Variants in ZDHHC14 observed in about 807,000 individuals in gnomAD.
ZDHHC14 encodes the protein zDHHC palmitoyltransferase 14.
ZDHHC14 carries 16 observed loss-of-function variants against 47.7 expected under a neutral mutation model. That is an observed-to-expected ratio of 0.34 (90% confidence interval 0.23 to 0.51). The LOEUF is 0.51. Among genes scored for constraint, ZDHHC14 ranks in the 20% least tolerant of loss-of-function variants. The probability of loss-of-function intolerance (pLI) is 0.97; values close to 1 mark genes in which losing one functional copy is unlikely to be tolerated. For synonymous variants in ZDHHC14, 293 were observed against 278.9 expected, an observed-to-expected ratio of 1.05 and a Z score of -0.50; for missense variants, 515 against 662.5, an observed-to-expected ratio of 0.78 and a Z score of 2.44.
At chr6:157,584,963 G>A (rs1293212863) in intron 2 of ZDHHC14, among the ~76,000 whole-genome samples, 1 of 152,172 alleles carries the variant, frequency 6.6e-6, no homozygotes, top group Non-Finnish European at 1.5e-5. Context: ...CCAGCACTAT[G>A]GGAGGCCGAG....
At chr6:157,475,170 T>A (rs1779451515) in intron 1 of ZDHHC14, among the ~76,000 whole-genome samples, 1 of 152,160 alleles carries the variant, frequency 6.6e-6, no homozygotes, top group African/African-American at 2.4e-5. Context: ...TTTAGGAAAC[T>A]TGTTGAAAAT....
At chr6:157,437,361 A>G (rs935639126) in intron 1 of ZDHHC14, among the ~76,000 whole-genome samples, 7 of 152,196 alleles carry the variant, frequency 4.6e-5, no homozygotes, top group Admixed American at 6.5e-5. Flanking sequence ...GATTCTCTTT[A>G]TAGTAGTGTC....
chr6:157,592,995 A>C lies in ZDHHC14; in HGVS notation c.414A>C (p.Ala138=). 6.2e-7 allele frequency: 1 copy of C among 1,611,098 alleles called. No individual in the cohort carries two copies. Among genetic ancestry groups the C allele is most frequent in the South Asian group, 1.1e-5 (1 of 90,732 alleles). ...AADLERQIDI[A]NGTSSGGYRP... The stretch of plus-strand genomic sequence containing the variant: ...CTCTTCTTTTCTCCACAGATATCGC[A>C]AACGGCACCAGTTCAGGGGGGTACC... The change falls in exon 3 of 9, where the codon GCA becomes GCC. Residue 138 remains alanine, a synonymous_variant. Transcript: ENST00000359775.
rs149078140 is a variant in ZDHHC14, at chr6:157,542,588, T to C, written c.249T>C (p.Cys83=). The change falls in exon 2 of 9, where the codon TGT becomes TGC. Residue 83 remains cysteine (C), a synonymous_variant. Coordinates refer to ENST00000359775, the MANE Select transcript of ZDHHC14 (RefSeq NM_024630.3). Reference sequence around the variant, plus strand: ...GGTCTGTCCAACCTGTCGGCAGCTGTCCGTACCTGGCGGTGAAAATCACCC... The same window carrying C: ...GGTCTGTCCAACCTGTCGGCAGCTGCCCGTACCTGGCGGTGAAAATCACCC... ...VTSGLFFAFD[C]PYLAVKITPA... is the part of the protein sequence containing the mutation. 5.4e-4 allele frequency: 866 copies of C among 1,614,114 alleles called. 1 individual carries two copies. Among genetic ancestry groups the C allele is most frequent in the Admixed American group, 7.0e-4 (42 of 60,020 alleles).
chr6:157,471,412 C>T (rs1260228792), intron 1 of ZDHHC14, among the ~76,000 whole-genome samples: 3 of 152,214 alleles, frequency 2.0e-5, no homozygotes, highest in Non-Finnish European at 2.9e-5. Context: ...CCGCCGACAC[C>T]AGACACACCT....
At chr6:157,491,660 A>G (rs944921704) in intron 1 of ZDHHC14, among the ~76,000 whole-genome samples, 2 of 152,266 alleles carry the variant, frequency 1.3e-5, no homozygotes, top group Non-Finnish European at 2.9e-5. Context: ...GGCTCAAATC[A>G]GCTGCTTTGG....
intron 7 of ZDHHC14, among the ~76,000 whole-genome samples, chr6:157,648,698 C>T (rs1273982888): frequency 6.6e-6 from 1 of 152,210 alleles, no homozygotes; most frequent in African/African-American, 2.4e-5. Flanking sequence ...GTCAGACATG[C>T]CTGGGCAGGT....
chr6:157,642,635 C>A (rs528698840), intron 5 of ZDHHC14, among the ~76,000 whole-genome samples: 1 of 152,318 alleles, frequency 6.6e-6, no homozygotes, highest in Admixed American at 6.5e-5. Context: ...TGAAACCCAT[C>A]CTCGATGCAG....
intron 2 of ZDHHC14, among the ~76,000 whole-genome samples, chr6:157,580,712 T>TGTG (rs1783484579): frequency 2.0e-5 from 3 of 148,684 alleles, no homozygotes; most frequent in African/African-American, 7.5e-5. Context: ...TTTTTGTGTT[T>TGTG]TGTGTGTGTG....
chr6:157,395,407 C>A (rs1450777660), intron 1 of ZDHHC14, among the ~76,000 whole-genome samples: 2 of 151,372 alleles, frequency 1.3e-5, no homozygotes, highest in East Asian at 3.9e-4. Context: ...CTCAAGTGAT[C>A]CTTCCACTTC....
intron 2 of ZDHHC14, among the ~76,000 whole-genome samples, chr6:157,570,796 T>C (rs978698090): frequency 1.8e-4 from 27 of 148,882 alleles, no homozygotes; most frequent in African/African-American, 3.9e-4. Context: ...CACACACACA[T>C]ATATATACAC....
At chr6:157,662,485 A>T (rs913159765) in intron 8 of ZDHHC14, among the ~76,000 whole-genome samples, 30 of 152,354 alleles carry the variant, frequency 2.0e-4, no homozygotes, top group African/African-American at 7.2e-4. Context: ...CCCAGCCTGG[A>T]GGTGGTTTTT....
chr6:157,561,819 C>T (rs576761569), intron 2 of ZDHHC14, among the ~76,000 whole-genome samples: 33 of 152,206 alleles, frequency 2.2e-4, no homozygotes, highest in East Asian at 7.7e-4. Context: ...CCACCACACC[C>T]GGCTATTTTT....
At chr6:157,415,373 C>G (rs573339773) in intron 1 of ZDHHC14, among the ~76,000 whole-genome samples, 1 of 152,184 alleles carries the variant, frequency 6.6e-6, no homozygotes, top group East Asian at 1.9e-4. Context: ...TTGGTAGAGG[C>G]AGTAAGGACA....
chr6:157,425,471 T>G (rs187516829), intron 1 of ZDHHC14, among the ~76,000 whole-genome samples: 54 of 152,352 alleles, frequency 3.5e-4, no homozygotes, highest in Admixed American at 3.5e-3. Context: ...CCAATTATGT[T>G]GGCCAGCTCC....
chr6:157,672,170 A>C (rs1778827387), intron 8 of ZDHHC14, among the ~76,000 whole-genome samples: 1 of 152,148 alleles, frequency 6.6e-6, no homozygotes, highest in South Asian at 2.1e-4. Context: ...ATGTGTCCGA[A>C]TGCACTTCCT....
intron 2 of ZDHHC14, among the ~76,000 whole-genome samples, chr6:157,544,662 C>A (rs1038105858): frequency 8.2e-5 from 8 of 97,062 alleles, no homozygotes; most frequent in Non-Finnish European, 1.4e-4. Context: ...ACAACAACAA[C>A]AACAACAACA....
intron 1 of ZDHHC14, among the ~76,000 whole-genome samples, chr6:157,387,412 A>G (rs1305055302): frequency 6.6e-6 from 1 of 152,168 alleles, no homozygotes; most frequent in Non-Finnish European, 1.5e-5. Flanking sequence ...TAATAACCCC[A>G]TATTTTCTTA....
At chr6:157,552,883 A>G (rs940513769) in intron 2 of ZDHHC14, among the ~76,000 whole-genome samples, 2 of 152,222 alleles carry the variant, frequency 1.3e-5, no homozygotes, top group Admixed American at 6.5e-5. Context: ...GCCATCTGCC[A>G]AACTACACAC....
Sources: allele counts gnomAD v4.1 joint callset (sites outside exome capture counted in the v4.1 genomes callset), GRCh38; gene constraint gnomAD v4.1.1; transcripts MANE v1.5; gene names NCBI Gene and HGNC (gene_info 2026-07-23, HGNC 2026-07-21).